Variants in GRM8 observed in about 807,000 individuals in gnomAD.
The protein encoded by GRM8 is glutamate metabotropic receptor 8.
In GRM8, 47 loss-of-function variants were observed where a neutral mutation model predicts 87.2. That is an observed-to-expected ratio of 0.54 (90% CI 0.43 to 0.69). The LOEUF (loss-of-function observed/expected upper bound fraction) is 0.69. Among genes scored for constraint, GRM8 ranks in the 30% least tolerant of loss-of-function variants. The pLI is 0.00. For synonymous variants in GRM8, 396 were observed against 404.5 expected (o/e 0.98, Z 0.25); for missense variants, 1,019 against 1,139.2 (o/e 0.89, Z 1.52).
intron 8 of GRM8, among the ~76,000 whole-genome samples, chr7:126,545,655 A>T (rs1817064046): frequency 6.6e-6 from 1 of 152,198 alleles, no homozygotes; most frequent in Admixed American, 6.6e-5. Flanking sequence ...ATATGACTTA[A>T]ATGTTATACA....
chr7:126,533,954 CG>C, intron 8 of GRM8, 67 bp from the exon 9 acceptor site: 1 of 1,188,906 alleles, frequency 8.4e-7, no homozygotes, highest in Non-Finnish European at 1.2e-6. Flanking sequence ...ATCCTAGCCA[CG>C]GGTTTGTAAT....
At chr7:127,053,813 T>C (rs530194457) in intron 3 of GRM8, among the ~76,000 whole-genome samples, 2 of 131,886 alleles carry the variant, frequency 1.5e-5, no homozygotes, top group African/African-American at 5.7e-5. Context: ...GGGGGGAATA[T>C]ACATTTCATC....
intron 9 of GRM8, among the ~76,000 whole-genome samples, chr7:126,532,401 C>T (rs1013580542): frequency 2.6e-5 from 4 of 152,070 alleles, no homozygotes; most frequent in Non-Finnish European, 5.9e-5. Flanking sequence ...AGTTTTTATA[C>T]GTGTGTGTGA....
intron 2 of GRM8, among the ~76,000 whole-genome samples, chr7:127,241,618 G>A (rs1217146781): frequency 6.6e-6 from 1 of 151,938 alleles, no homozygotes; most frequent in Non-Finnish European, 1.5e-5. Context: ...TATCTTTTTA[G>A]TAGAGACGGG....
intron 3 of GRM8, among the ~76,000 whole-genome samples, chr7:127,038,145 A>G (rs1039161829): frequency 1.3e-5 from 2 of 152,186 alleles, no homozygotes; most frequent in African/African-American, 2.4e-5. Context: ...AATTTCCAAC[A>G]TTAAAGGAGA....
intron 6 of GRM8, among the ~76,000 whole-genome samples, chr7:126,877,528 T>C (rs13311470): frequency 7.7e-4 from 118 of 152,350 alleles, no homozygotes; most frequent in African/African-American, 2.8e-3. Context: ...TAAGTTCTAT[T>C]GGACAGTGCT....
intron 7 of GRM8, among the ~76,000 whole-genome samples, chr7:126,691,920 GCAAATGACA>G (rs564923501): frequency 2.6e-4 from 40 of 152,290 alleles, no homozygotes; most frequent in African/African-American, 9.4e-4. Context: ...CCTTTTAAAT[GCAAATGACA>G]CAAAGAATGA....
chr7:127,053,806 G>GGGC (rs1819720735), intron 3 of GRM8, among the ~76,000 whole-genome samples: 1 of 132,340 alleles, frequency 7.6e-6, no homozygotes, highest in African/African-American at 2.8e-5. Context: ...AAAGGGGGGG[G>GGGC]GGAATATACA....
At chr7:126,986,019 AT>A (rs545991551) in intron 3 of GRM8, among the ~76,000 whole-genome samples, 55 of 146,830 alleles carry the variant, frequency 3.7e-4, no homozygotes, top group East Asian at 2.0e-3. Context: ...AATTCAAGTC[AT>A]TTTTTTTTTT....
chr7:127,097,370 A>C (rs1176645815), intron 3 of GRM8, among the ~76,000 whole-genome samples: 1 of 152,180 alleles, frequency 6.6e-6, no homozygotes, highest in Non-Finnish European at 1.5e-5. Context: ...TTAGCCCAGA[A>C]GTGGGTGGAT....
chr7:126,827,029 T>C (rs1401581883), intron 6 of GRM8, among the ~76,000 whole-genome samples: 2 of 152,228 alleles, frequency 1.3e-5, no homozygotes, highest in Non-Finnish European at 2.9e-5. Context: ...TAGTTGTAGA[T>C]ATGTGGCATT....
intron 7 of GRM8, among the ~76,000 whole-genome samples, chr7:126,636,102 C>G (rs1801826557): frequency 6.6e-6 from 1 of 151,958 alleles, no homozygotes; most frequent in Admixed American, 6.6e-5. Flanking sequence ...TATTTTTCTT[C>G]CTTTGAAATT....
chr7:126,918,594 A>G (rs1760990181), intron 3 of GRM8, among the ~76,000 whole-genome samples: 1 of 152,262 alleles, frequency 6.6e-6, no homozygotes, highest in African/African-American at 2.4e-5. Flanking sequence ...ACAGCTATCT[A>G]CAAGGCTTTA....
At chr7:127,045,987 C>A (rs888329497) in intron 3 of GRM8, among the ~76,000 whole-genome samples, 1 of 152,190 alleles carries the variant, frequency 6.6e-6, no homozygotes, top group Non-Finnish European at 1.5e-5. Context: ...TGTGACTAGA[C>A]AGCTTTTCAA....
intron 6 of GRM8, among the ~76,000 whole-genome samples, chr7:126,815,737 A>G (rs1210786119): frequency 1.3e-5 from 2 of 152,116 alleles, no homozygotes; most frequent in African/African-American, 4.8e-5. Context: ...ACATCTTATA[A>G]GGACTATAAA....
At chr7:127,058,702 A>C (rs1259516132) in intron 3 of GRM8, among the ~76,000 whole-genome samples, 1 of 152,206 alleles carries the variant, frequency 6.6e-6, no homozygotes, top group African/African-American at 2.4e-5. Flanking sequence ...CATTTATATA[A>C]GGCTGGAGGG....
At chr7:126,872,567 T>C (rs959276159) in intron 6 of GRM8, among the ~76,000 whole-genome samples, 3 of 152,172 alleles carry the variant, frequency 2.0e-5, no homozygotes, top group Admixed American at 6.6e-5. Context: ...GTTTTTAAAG[T>C]ATGGAAAATA....
At chr7:126,587,628 T>C (rs546441832) in intron 8 of GRM8, among the ~76,000 whole-genome samples, 1 of 134,668 alleles carries the variant, frequency 7.4e-6, no homozygotes, top group African/African-American at 2.8e-5. Context: ...AATTGAACAA[T>C]GAGAACACTT....
chr7:126,886,495 C>G (rs529300997), intron 6 of GRM8, among the ~76,000 whole-genome samples: 4 of 152,188 alleles, frequency 2.6e-5, no homozygotes, highest in African/African-American at 7.2e-5. Context: ...TAGTGGGATT[C>G]CCATCAGTGA....
Sources: gnomAD v4.1 joint callset for allele counts (sites outside exome capture counted in the v4.1 genomes callset) on GRCh38, gnomAD v4.1.1 for gene constraint, MANE v1.5 for transcripts, NCBI Gene and HGNC (gene_info 2026-07-23, HGNC 2026-07-21) for gene names.